Variants in TVP23C observed in about 807,000 individuals in gnomAD.
The protein encoded by TVP23C is trans-golgi network vesicle protein 23 homolog C, also known as Golgi apparatus membrane protein TVP23 homolog C.
TVP23C carries 19 observed loss-of-function variants against 28.7 expected under a neutral mutation model. The ratio of observed to expected loss-of-function variants is 0.66; its 90% CI spans 0.46 to 0.97. The LOEUF is 0.97. Among genes scored for constraint, TVP23C ranks in the 50% least tolerant of loss-of-function variants. The probability of loss-of-function intolerance (pLI) is 0.00; values close to 1 mark genes in which losing one functional copy is unlikely to be tolerated. For synonymous variants in TVP23C, 68 were observed against 81.7 expected (o/e 0.83, Z 0.90); for missense variants, 186 against 241.3 (o/e 0.77, Z 1.52).
chr17:15,531,794 T>C (rs1374635298), intron 5 of TVP23C, among the ~76,000 whole-genome samples: 1 of 152,232 alleles, frequency 6.6e-6, no homozygotes, highest in Non-Finnish European at 1.5e-5. Context: ...CCCCCATATA[T>C]AGGCGGCTGT....
chr17:15,536,489 T>C (rs1055388805), downstream of TVP23C, among the ~76,000 whole-genome samples: 1 of 152,150 alleles, frequency 6.6e-6, no homozygotes, highest in African/African-American at 2.4e-5. Context: ...TATTCCAGGA[T>C]GCCATTCCCT....
chr17:15,531,008 A>C (rs1982930388), intron 5 of TVP23C: 1 of 152,188 alleles, frequency 6.6e-6, no homozygotes, highest in Non-Finnish European at 1.5e-5. Context: ...CTCCTAAAGT[A>C]CTGGGATTAC....
At position 15,540,276 on chromosome 17, in the gene TVP23C, C is replaced by T; in HGVS notation, c.*136G>A. On this transcript the variant is annotated 3_prime_UTR_variant, in exon 6 of 6. Transcript: ENST00000518321. Reference sequence around the variant, plus strand: ...TACTGACAATACACTTCCAGACTGTCTTGAACACCCCCAAAGAGCAATTAC... The same window carrying T: ...TACTGACAATACACTTCCAGACTGTTTTGAACACCCCCAAAGAGCAATTAC... The T allele has an allele frequency of 7.3e-7, 1 of 1,362,778 alleles. No homozygotes were observed. The highest frequency in any genetic ancestry group is 2.6e-5 in the East Asian group (1 of 38,566). The allele number at this position is 1,362,778 out of a possible 1,614,324, so 84.4% of individuals were successfully genotyped here. A position where few individuals can be genotyped will look rare whatever the true frequency, so the allele number is the denominator to read the frequency against.
intron 5 of TVP23C, chr17:15,507,271 T>C (rs569275050): frequency 1.3e-6 from 1 of 746,118 alleles, no homozygotes; most frequent in East Asian, 2.5e-5. Flanking sequence ...GGCATGAATA[T>C]TGTGAAGCCC....
chr17:15,542,193 G>T (rs548166760), intron 5 of TVP23C, among the ~76,000 whole-genome samples: 1 of 152,150 alleles, frequency 6.6e-6, no homozygotes, highest in Non-Finnish European at 1.5e-5. Context: ...GGAACTTATA[G>T]AAAAGCAAAA....
intron 1 of TVP23C, 123 bp downstream of exon 1, chr17:15,563,314 C>A: frequency 6.7e-7 from 1 of 1,496,392 alleles, no homozygotes; most frequent in Non-Finnish European, 8.9e-7. Flanking sequence ...CCTCCACTCC[C>A]GGCCGCCCCG....
chr17:15,545,481 C>G (rs1284776506), intron 5 of TVP23C, among the ~76,000 whole-genome samples: 1 of 152,290 alleles, frequency 6.6e-6, no homozygotes, highest in African/African-American at 2.4e-5. Context: ...TGTTGTTGCT[C>G]TAAGCCACTA....
At chr17:15,506,573 C>G (rs1412971567) in intron 5 of TVP23C, among the ~76,000 whole-genome samples, 1 of 152,218 alleles carries the variant, frequency 6.6e-6, no homozygotes, top group Non-Finnish European at 1.5e-5. Flanking sequence ...TCCCCTTCCA[C>G]ACTGCGGAAG....
Position 15,537,447 on chromosome 17 carries a change from T to C in TVP23C, c.*2965A>G, listed in dbSNP as rs1983201379. ...CTAGCTATCCTTTCTGTAAAATAAA[T>C]AGAATAGCAGCAATCTCTGGGTATT... On this transcript the variant is annotated 3_prime_UTR_variant, in exon 6 of 6. Coordinates refer to ENST00000518321, the MANE Select transcript of TVP23C (RefSeq NM_001135036.2). 1.0e-6 allele frequency: 1 copy of C among 985,210 alleles called. No homozygotes were observed. The highest frequency in any genetic ancestry group is 1.2e-6 in the Non-Finnish European group (1 of 829,722). 61.0% of individuals were successfully genotyped at this position (985,210 alleles called of 1,614,324 possible). A position where few individuals can be genotyped will look rare whatever the true frequency, so the allele number is the denominator to read the frequency against.
intron 5 of TVP23C, among the ~76,000 whole-genome samples, chr17:15,503,786 TC>T (rs1274282513): frequency 1.3e-5 from 2 of 152,130 alleles, no homozygotes; most frequent in African/African-American, 4.8e-5. Context: ...GAAAAGGCCA[TC>T]GTAAGGCTTC....
chr17:15,523,893 G>A (rs1000864916), intron 5 of TVP23C, among the ~76,000 whole-genome samples: 7 of 152,190 alleles, frequency 4.6e-5, no homozygotes, highest in Non-Finnish European at 1.0e-4. Flanking sequence ...GATTACAGGC[G>A]TGAGCCACCG....
At chr17:15,523,699 C>T (rs527831394) in intron 5 of TVP23C, among the ~76,000 whole-genome samples, 4 of 148,786 alleles carry the variant, frequency 2.7e-5, no homozygotes, top group South Asian at 2.1e-4. Context: ...CTGCCAGCTC[C>T]GCCTCCCAGG....
intron 5 of TVP23C, among the ~76,000 whole-genome samples, chr17:15,542,501 G>A (rs185692751): frequency 0.012 from 1,783 of 152,022 alleles, 32 homozygotes; most frequent in African/African-American, 0.041. Context: ...TTTTGAGACG[G>A]AGTCTCGCTC....
intron 5 of TVP23C, among the ~76,000 whole-genome samples, chr17:15,510,979 G>A (rs148056990): frequency 8.0e-4 from 120 of 150,782 alleles, no homozygotes; most frequent in African/African-American, 2.5e-3. Flanking sequence ...GTTTGAACCC[G>A]GGAGGCAGAG....
intron 5 of TVP23C, among the ~76,000 whole-genome samples, chr17:15,513,795 C>T (rs1982103997): frequency 2.0e-5 from 3 of 152,248 alleles, no homozygotes; most frequent in African/African-American, 7.2e-5. Context: ...TAACTATCAC[C>T]ACCCCACCGG....
chr17:15,505,710 C>T (rs548693368), intron 5 of TVP23C, among the ~76,000 whole-genome samples: 5 of 152,266 alleles, frequency 3.3e-5, no homozygotes, highest in African/African-American at 1.2e-4. Context: ...GAGGGGCGAG[C>T]GGGAACCGGG....
chr17:15,520,866 G>T (rs1314486610), intron 5 of TVP23C, among the ~76,000 whole-genome samples: 1 of 151,604 alleles, frequency 6.6e-6, no homozygotes, highest in African/African-American at 2.4e-5. Flanking sequence ...TTGCATGTTT[G>T]TCTAGATAAA....
chr17:15,547,169 C>T (rs1983683973), intron 3 of TVP23C, 21 bp from the exon 4 acceptor site: 1 of 1,612,670 alleles, frequency 6.2e-7, no homozygotes, highest in African/African-American at 1.3e-5. Flanking sequence ...TTAATATAAA[C>T]AGGCACATTT....
intron 3 of TVP23C, among the ~76,000 whole-genome samples, chr17:15,552,834 G>T (rs1049877142): frequency 2.0e-5 from 3 of 150,600 alleles, no homozygotes; most frequent in African/African-American, 7.3e-5. Context: ...CTATATTTTC[G>T]AACACACACA....
Sources: gnomAD v4.1 joint callset for allele counts (sites outside exome capture counted in the v4.1 genomes callset) on GRCh38, gnomAD v4.1.1 for gene constraint, MANE v1.5 for transcripts, NCBI Gene and HGNC (gene_info 2026-07-23, HGNC 2026-07-21) for gene names.